The following TMEM132C variants were observed in gnomAD, a reference collection of about 807,000 sequenced individuals.
TMEM132C encodes protein phosphatase 1, regulatory subunit 152.
TMEM132C carries 29 observed loss-of-function variants against 61.4 expected under a neutral mutation model. The observed-to-expected ratio is 0.47, with a 90% CI of 0.35 to 0.64. The LOEUF is 0.64. Ranked by LOEUF, TMEM132C falls within the 30% of genes least tolerant of loss-of-function variation. The probability of loss-of-function intolerance (pLI) is 0.00; values close to 1 mark genes in which losing one functional copy is unlikely to be tolerated. For missense variants in TMEM132C, 1,408 were observed against 1,476.9 expected (o/e 0.95, Z 0.76); for synonymous variants, 656 against 633.1 (o/e 1.04, Z -0.54).
intron 2 of TMEM132C, among the ~76,000 whole-genome samples, chr12:128,539,945 A>G (rs12810878): frequency 0.46 from 69,656 of 151,624 alleles, 18,573 homozygotes; most frequent in Non-Finnish European, 0.6. Context: ...TTCTTAAATT[A>G]TTTCATTAAT....
chr12:128,295,638 C>CAAAAAAAAA (rs59555369), intron 1 of TMEM132C, among the ~76,000 whole-genome samples: 1 of 116,012 alleles, frequency 8.6e-6, no homozygotes, highest in Non-Finnish European at 1.8e-5. Flanking sequence ...TTAAGTCCTT[C>CAAAAAAAAA]AAAAAAAAAA....
At chr12:128,355,451 C>G (rs926229694) in intron 1 of TMEM132C, among the ~76,000 whole-genome samples, 1 of 152,008 alleles carries the variant, frequency 6.6e-6, no homozygotes, top group South Asian at 2.1e-4. Flanking sequence ...CTCAGCTGGA[C>G]CAGTGCAAGA....
At chr12:128,637,422 C>A (rs74788403) in intron 4 of TMEM132C, among the ~76,000 whole-genome samples, 4,982 of 152,314 alleles carry the variant, frequency 0.033, 256 homozygotes, top group African/African-American at 0.11. Context: ...TGCCATGGGG[C>A]TTGACCTCAG....
At chr12:128,562,398 C>G (rs1874554449) in intron 3 of TMEM132C, among the ~76,000 whole-genome samples, 1 of 152,210 alleles carries the variant, frequency 6.6e-6, no homozygotes, top group African/African-American at 2.4e-5. Context: ...CCATGCCTTT[C>G]CTGGGTAACC....
chr12:128,596,301 A>G (rs1875947220), intron 3 of TMEM132C, among the ~76,000 whole-genome samples: 1 of 148,304 alleles, frequency 6.7e-6, no homozygotes. Context: ...GTCCTGGTAC[A>G]GAGGCGGCAG....
intron 2 of TMEM132C, among the ~76,000 whole-genome samples, chr12:128,491,194 CATTG>C (rs1166802518): frequency 6.6e-6 from 1 of 152,130 alleles, no homozygotes; most frequent in Non-Finnish European, 1.5e-5. Context: ...CATTTGTTAT[CATTG>C]ATAAGGAGCA....
intron 2 of TMEM132C, among the ~76,000 whole-genome samples, chr12:128,445,270 C>T (rs986443136): frequency 2.6e-5 from 4 of 151,762 alleles, no homozygotes; most frequent in Admixed American, 2.0e-4. Context: ...AGTTCAGCGG[C>T]GTGCACATTT....
chr12:128,656,838 AAAG>A (rs1252855062), intron 4 of TMEM132C, among the ~76,000 whole-genome samples: 4 of 152,206 alleles, frequency 2.6e-5, no homozygotes, highest in Non-Finnish European at 5.9e-5. Context: ...CTGAAGAAAA[AAAG>A]AGAGTGGATA....
intron 2 of TMEM132C, among the ~76,000 whole-genome samples, chr12:128,519,555 C>G (rs1872831393): frequency 6.6e-6 from 1 of 152,206 alleles, no homozygotes; most frequent in South Asian, 2.1e-4. Flanking sequence ...CCTTTAAGGT[C>G]AAGGAAATTA....
chr12:128,294,228 A>G (rs1317166219), intron 1 of TMEM132C: 1 of 154,466 alleles, frequency 6.5e-6, no homozygotes, highest in Non-Finnish European at 1.5e-5. Context: ...AAGGTGTCCT[A>G]GTAGAACAAG....
chr12:128,433,488 C>T (rs1394959243), intron 2 of TMEM132C, among the ~76,000 whole-genome samples: 1 of 152,178 alleles, frequency 6.6e-6, no homozygotes, highest in African/African-American at 2.4e-5. Context: ...AAAAATTATC[C>T]TGCCTCAGTT....
intron 3 of TMEM132C, among the ~76,000 whole-genome samples, chr12:128,553,278 C>T (rs76917759): frequency 0.035 from 5,388 of 152,326 alleles, 328 homozygotes; most frequent in African/African-American, 0.12. Flanking sequence ...AGCTTGCAAG[C>T]AGACCAAGCT....
intron 1 of TMEM132C, among the ~76,000 whole-genome samples, chr12:128,313,986 T>C (rs1271041961): frequency 6.6e-6 from 1 of 152,210 alleles, no homozygotes; most frequent in Non-Finnish European, 1.5e-5. Flanking sequence ...CTCCTGCAAG[T>C]TGTCTGAGAA....
At chr12:128,691,015 G>A (rs1433301195) in intron 5 of TMEM132C, among the ~76,000 whole-genome samples, 1 of 152,196 alleles carries the variant, frequency 6.6e-6, no homozygotes, top group Non-Finnish European at 1.5e-5. Flanking sequence ...TTTGGCCGAG[G>A]CCACAGACCC....
At chr12:128,311,645 C>T (rs1871966905) in intron 1 of TMEM132C, among the ~76,000 whole-genome samples, 1 of 152,210 alleles carries the variant, frequency 6.6e-6, no homozygotes, top group Non-Finnish European at 1.5e-5. Context: ...CTCTCTCCTT[C>T]GTGCAAGAAA....
intron 3 of TMEM132C, among the ~76,000 whole-genome samples, chr12:128,546,819 C>T (rs893326161): frequency 2.0e-5 from 3 of 152,218 alleles, no homozygotes; most frequent in Admixed American, 2.0e-4. Flanking sequence ...AAAACCTTCA[C>T]TTAATCACAT....
At chr12:128,567,754 C>T (rs905157553) in intron 3 of TMEM132C, among the ~76,000 whole-genome samples, 10 of 152,194 alleles carry the variant, frequency 6.6e-5, no homozygotes, top group Admixed American at 2.6e-4. Flanking sequence ...TTTCCAAGCT[C>T]GAGTCCAGCA....
At chr12:128,370,113 A>G (rs1170199977) in intron 1 of TMEM132C, among the ~76,000 whole-genome samples, 1 of 152,148 alleles carries the variant, frequency 6.6e-6, no homozygotes, top group Non-Finnish European at 1.5e-5. Context: ...TCATGGAACA[A>G]ATCCACTGTT....
At chr12:128,592,524 C>T (rs1049958928) in intron 3 of TMEM132C, among the ~76,000 whole-genome samples, 1 of 152,210 alleles carries the variant, frequency 6.6e-6, no homozygotes, top group Non-Finnish European at 1.5e-5. Flanking sequence ...TTGGGACTAA[C>T]AGCAGGAAGT....
Sources: gnomAD v4.1 joint callset for allele counts (sites outside exome capture counted in the v4.1 genomes callset) on GRCh38, gnomAD v4.1.1 for gene constraint, MANE v1.5 for transcripts, NCBI Gene and HGNC (gene_info 2026-07-23, HGNC 2026-07-21) for gene names.